BICDL1: variants seen among roughly 807,000 people sequenced by gnomAD.
The protein encoded by BICDL1 is BICD family like cargo adaptor 1.
BICDL1 carries 20 observed loss-of-function variants against 76.8 expected under a neutral mutation model. The ratio of observed to expected loss-of-function variants is 0.26; its 90% CI spans 0.18 to 0.38. The LOEUF is 0.38. Among genes scored for constraint, BICDL1 ranks in the 10% least tolerant of loss-of-function variants. The pLI is 1.00. For synonymous variants in BICDL1, 383 were observed against 337.1 expected, an observed-to-expected ratio of 1.14 and a Z score of -1.49; for missense variants, 700 against 798.6, an observed-to-expected ratio of 0.88 and a Z score of 1.49.
chr12:120,049,580 ATTTC>A (rs1443343906), intron 2 of BICDL1, among the ~76,000 whole-genome samples: 1 of 151,304 alleles, frequency 6.6e-6, no homozygotes, highest in African/African-American at 2.4e-5. Flanking sequence ...ATTTCGTTTT[ATTTC>A]TTCTGCTTTG....
intron 2 of BICDL1, among the ~76,000 whole-genome samples, chr12:120,057,818 C>CTTTTTTTTTTTT (rs143777152): frequency 7.7e-5 from 6 of 78,324 alleles, no homozygotes; most frequent in African/African-American, 3.8e-4. Context: ...GCGATTCCTG[C>CTTTTTTTTTTTT]TTTTTTTTTT....
chr12:119,993,634 T>C (rs76969989), intron 1 of BICDL1, among the ~76,000 whole-genome samples: 1 of 151,408 alleles, frequency 6.6e-6, no homozygotes, highest in African/African-American at 2.4e-5. Flanking sequence ...TTTTTTTTTT[T>C]GAGACAGAGT....
In BICDL1 at chr12:120,079,013, C is replaced by T. The variant is rs1423651980; in HGVS notation, c.1453-1874C>T. On this transcript the variant is annotated intron_variant, in intron 7 of 9. Coordinates refer to ENST00000548673, the MANE Select transcript of BICDL1 (RefSeq NM_001367886.1). This position sits in a 1 kb window ranked among gnomAD's most constrained non-coding sequence, Gnocchi z 4.3. ...CTCTGCCCTGGTGCCTTGTCTGCCT[C>T]GGGGCTAGATGCATGTGTGTGCTGG... Among the ~76,000 whole-genome samples the T allele has an allele frequency of 2.6e-5, 4 of 152,204 alleles. No homozygotes were observed. The highest frequency in any genetic ancestry group is 4.1e-4 in the South Asian group (2 of 4,836).
chr12:120,024,008 G>A (rs1203875962), intron 2 of BICDL1, among the ~76,000 whole-genome samples: 4 of 151,590 alleles, frequency 2.6e-5, no homozygotes, highest in African/African-American at 7.3e-5. Context: ...GGCTGGGCAC[G>A]GTGGCTCACA....
intron 4 of BICDL1, among the ~76,000 whole-genome samples, chr12:120,065,094 G>A: frequency 6.6e-6 from 1 of 152,216 alleles, no homozygotes; most frequent in Middle Eastern, 3.2e-3. Flanking sequence ...TTTCTACAAT[G>A]TGTTCTGAGC....
At chr12:120,077,054 C>T (rs1873606087) in intron 7 of BICDL1, among the ~76,000 whole-genome samples, 1 of 152,206 alleles carries the variant, frequency 6.6e-6, no homozygotes, top group Non-Finnish European at 1.5e-5. Context: ...GACTGAGGTT[C>T]TAGCACACAG....
chr12:119,990,308 C>G lies in BICDL1; in HGVS notation c.429+11C>G. On this transcript the variant is annotated intron_variant, in intron 1 of 9. Transcript: ENST00000548673. The stretch of plus-strand genomic sequence containing the variant: ...ACAGACAAGCTCGAGGTGAGGACCT[C>G]CCTCCAGGGATGGGTGGGGAGCAGG... 3 of 1,554,628 alleles carry G rather than the reference C, an allele frequency of 1.9e-6. No homozygotes were observed. The South Asian group carries it at 3.6e-5, about 19-fold the overall frequency.
chr12:120,029,011 G>T (rs1952366388), intron 2 of BICDL1, among the ~76,000 whole-genome samples: 1 of 152,220 alleles, frequency 6.6e-6, no homozygotes, highest in South Asian at 2.1e-4. Context: ...TTAGGAAAAA[G>T]CAGGCAGGTA....
At chr12:119,991,829 T>TAA (rs1196422554) in intron 1 of BICDL1, among the ~76,000 whole-genome samples, 4 of 152,230 alleles carry the variant, frequency 2.6e-5, no homozygotes, top group Non-Finnish European at 5.9e-5. Context: ...GGAGCCTTTA[T>TAA]ACATTTCTTC....
rs1404759344 is a variant in BICDL1, at chr12:119,989,668, C to CGGGGGA, written c.-195_-190dup. On this transcript the variant is annotated 5_prime_UTR_variant, in exon 1 of 10. Transcript: ENST00000548673. ...GCGCCTGAGCAGCTGAGCCCGGGGGCGGGGGAGGGGGCGCGTGCCGCCGGC... is the reference window on the plus strand; with the variant it reads ...GCGCCTGAGCAGCTGAGCCCGGGGGCGGGGGAGGGGGAGGGGGCGCGTGCCGCCGGC... Among the ~76,000 whole-genome samples, 1 of 147,274 alleles carries CGGGGGA rather than the reference C, an allele frequency of 6.8e-6. No individual in the cohort carries two copies.
chr12:120,042,147 C>T (rs1952654671), intron 2 of BICDL1, among the ~76,000 whole-genome samples: 1 of 151,986 alleles, frequency 6.6e-6, no homozygotes, highest in Admixed American at 6.6e-5. Context: ...TGATAGCATC[C>T]TGGATATTAA....
chr12:120,093,034 T>C lies in BICDL1; in HGVS notation c.1739T>C (p.Met580Thr). ...DMHRVIDRQL[M>T]DTHLKERSQP... ...CACAGGGTCATTGACCGGCAGCTGA[T>C]GGACACGCACCTGAAAGAACGGAGC... The change falls in exon 10 of 10, where the codon ATG (methionine) becomes ACG (threonine). Residue 580 changes from methionine to threonine, a missense_variant. Physicochemically the swap from Met to Thr is moderately conservative, Grantham distance 81. Transcript: ENST00000548673. 1 of 1,589,804 alleles carries C rather than the reference T, an allele frequency of 6.3e-7. No individual in the cohort carries two copies. The highest frequency in any genetic ancestry group is 1.1e-5 in the South Asian group (1 of 88,398).
At position 120,079,294 on chromosome 12, in the gene BICDL1, G is replaced by A. The variant is rs530921493; in HGVS notation, c.1453-1593G>A. Among the ~76,000 whole-genome samples, 76 of 152,308 alleles carry A rather than the reference G, an allele frequency of 5.0e-4. No individual in the cohort carries two copies. The highest frequency in any genetic ancestry group is 1.2e-3 in the South Asian group (6 of 4,826). On this transcript the variant is annotated intron_variant, in intron 7 of 9. Coordinates refer to ENST00000548673, the MANE Select transcript of BICDL1 (RefSeq NM_001367886.1). The surrounding 1 kb of genome is among the most constrained non-coding windows in gnomAD (Gnocchi z 4.3). ...TACCCCAGGGGCTGGCAGCTCTGCC[G>A]TCTCGTTCTGGAGAATGTCTGAAAT...
chr12:120,024,982 CCTT>C (rs1003095465), intron 2 of BICDL1, among the ~76,000 whole-genome samples: 5 of 151,550 alleles, frequency 3.3e-5, no homozygotes, highest in African/African-American at 9.7e-5. Context: ...CCAGCCAAGT[CCTT>C]CTTCTTTAAA....
intron 9 of BICDL1, chr12:120,090,657 T>C (rs951378864): frequency 2.8e-5 from 10 of 358,584 alleles, no homozygotes; most frequent in African/African-American, 8.6e-5. Context: ...TTTTAGGATA[T>C]GGGTATAAAC....
At chr12:120,088,885 C>T (rs537865305) in intron 8 of BICDL1, among the ~76,000 whole-genome samples, 150 of 151,458 alleles carry the variant, frequency 9.9e-4, no homozygotes, top group Non-Finnish European at 1.8e-3. Context: ...AGGATGGTCT[C>T]AATCTCCTGA....
chr12:120,060,986 AC>A lies in BICDL1; in HGVS notation c.646-723del, dbSNP rs1462956542. ...GTCCCGTGGCTCTCCTCTCCACAGGACAGTGGGCAGGGCTCCCTCAGTAGGG... is the reference window on the plus strand; with the variant it reads ...GTCCCGTGGCTCTCCTCTCCACAGGAAGTGGGCAGGGCTCCCTCAGTAGGG... On this transcript the variant is annotated intron_variant, in intron 2 of 9. Coordinates refer to ENST00000548673, the MANE Select transcript of BICDL1 (RefSeq NM_001367886.1). Among the ~76,000 whole-genome samples, 8 of 152,296 alleles carry A rather than the reference AC, an allele frequency of 5.3e-5. No individual in the cohort carries two copies. In the East Asian group the frequency reaches 1.5e-3, roughly 29 times the overall value.
intron 3 of BICDL1, among the ~76,000 whole-genome samples, chr12:120,063,910 CT>C (rs1953161317): frequency 6.6e-6 from 1 of 152,142 alleles, no homozygotes; most frequent in Admixed American, 6.5e-5. Context: ...CCAGAGGAGA[CT>C]TGGCATCTCT....
intron 8 of BICDL1, among the ~76,000 whole-genome samples, chr12:120,081,944 CA>C (rs1874027075): frequency 1.4e-5 from 2 of 147,450 alleles, no homozygotes; most frequent in East Asian, 4.0e-4. Context: ...AAAAAAAACA[CA>C]ATACAATGAT....
Sources: allele counts gnomAD v4.1 joint callset (sites outside exome capture counted in the v4.1 genomes callset), GRCh38; gene constraint gnomAD v4.1.1; non-coding constraint Gnocchi (gnomAD v3.1); transcripts MANE v1.5; gene names NCBI Gene and HGNC (gene_info 2026-07-23, HGNC 2026-07-21).